PRKCE: variants seen among roughly 807,000 people sequenced by gnomAD.
PRKCE encodes protein kinase C epsilon.
A neutral mutation model predicts 85.4 loss-of-function variants in PRKCE; 16 were observed. The observed-to-expected ratio is 0.19, with a 90% CI of 0.13 to 0.28. PRKCE has a LOEUF of 0.28. Among genes scored for constraint, PRKCE ranks in the 10% least tolerant of loss-of-function variants. The pLI is 1.00. For synonymous variants in PRKCE, 388 were observed against 371.5 expected, an observed-to-expected ratio of 1.04 and a Z score of -0.51; for missense variants, 573 against 975.2, an observed-to-expected ratio of 0.59 and a Z score of 5.49.
intron 2 of PRKCE, among the ~76,000 whole-genome samples, chr2:45,902,191 G>A (rs1440517910): frequency 6.6e-6 from 1 of 152,174 alleles, no homozygotes; most frequent in Non-Finnish European, 1.5e-5. Flanking sequence ...GGCCCAGAAG[G>A]CGACTTTGGG....
chr2:45,806,403 AGTTT>A (rs1395378144), intron 1 of PRKCE, among the ~76,000 whole-genome samples: 2 of 152,294 alleles, frequency 1.3e-5, no homozygotes, highest in South Asian at 2.1e-4. Flanking sequence ...TTGTTTAATT[AGTTT>A]GTTTATTTTA....
At chr2:45,805,362 G>A (rs1035858207) in intron 1 of PRKCE, among the ~76,000 whole-genome samples, 7 of 152,148 alleles carry the variant, frequency 4.6e-5, no homozygotes, top group Non-Finnish European at 7.3e-5. Context: ...CACAATTATA[G>A]ATGAGTCCTG....
chr2:46,017,285 C>T (rs1012493518), intron 10 of PRKCE, among the ~76,000 whole-genome samples: 1 of 152,156 alleles, frequency 6.6e-6, no homozygotes, highest in Non-Finnish European at 1.5e-5. Context: ...CTCTAGGTAC[C>T]TCTTATAAGT....
intron 2 of PRKCE, among the ~76,000 whole-genome samples, chr2:45,970,224 T>C (rs964618203): frequency 6.6e-6 from 1 of 152,206 alleles, no homozygotes; most frequent in Non-Finnish European, 1.5e-5. Context: ...GGATAATAAT[T>C]TTAAAACAAA....
chr2:45,863,350 A>T (rs920346015), intron 2 of PRKCE, among the ~76,000 whole-genome samples: 1 of 152,092 alleles, frequency 6.6e-6, no homozygotes, highest in Non-Finnish European at 1.5e-5. Context: ...AAGGGCTTAA[A>T]ATTTAGTCTT....
At chr2:45,843,134 C>CT in intron 2 of PRKCE, 71 bp downstream of exon 2, 2 of 1,361,378 alleles carry the variant, frequency 1.5e-6, no homozygotes, top group South Asian at 1.2e-5. Flanking sequence ...CTTCTTTCCC[C>CT]CCCTTGGCCG....
intron 2 of PRKCE, among the ~76,000 whole-genome samples, chr2:45,908,594 C>T (rs578092505): frequency 3.9e-5 from 6 of 152,282 alleles, no homozygotes; most frequent in Admixed American, 1.3e-4. Context: ...TGGACCTCAT[C>T]TGAGGGGCAA....
chr2:46,010,346 C>T lies in PRKCE; in HGVS notation c.1266C>T (p.Val422=). ...TGGAGGCAATTGATTGATTGCAGGTCATGTTGGCAGAACTCAAGGGCAAAG... is the reference window on the plus strand; with the variant it reads ...TGGAGGCAATTGATTGATTGCAGGTTATGTTGGCAGAACTCAAGGGCAAAG... ...KVLGKGSFGK[V]MLAELKGKDE... The change falls in exon 10 of 15, where the codon GTC becomes GTT. Residue 422 remains valine (V), a splice_region_variant and synonymous_variant. Transcript: ENST00000306156. 1 of 1,590,820 alleles carries T rather than the reference C, an allele frequency of 6.3e-7. No individual in the cohort carries two copies. The highest frequency in any genetic ancestry group is 8.5e-7 in the Non-Finnish European group (1 of 1,173,450).
chr2:45,775,625 A>G (rs1226381531), intron 1 of PRKCE, among the ~76,000 whole-genome samples: 1 of 152,186 alleles, frequency 6.6e-6, no homozygotes, highest in Non-Finnish European at 1.5e-5. Context: ...CTTCATTTCC[A>G]CTACCCTGGT....
At chr2:46,031,347 A>T (rs1371418854) in intron 10 of PRKCE, among the ~76,000 whole-genome samples, 2 of 152,110 alleles carry the variant, frequency 1.3e-5, no homozygotes, top group Non-Finnish European at 2.9e-5. Flanking sequence ...TCTGCCTGAG[A>T]TGCCCCAGCC....
chr2:46,102,040 C>T (rs1671289812), intron 11 of PRKCE, among the ~76,000 whole-genome samples: 1 of 138,872 alleles, frequency 7.2e-6, no homozygotes, highest in Non-Finnish European at 1.6e-5. Context: ...CTACAGGTCC[C>T]GGCGGGAAAG....
chr2:45,843,011 G>A lies in PRKCE; in HGVS notation c.360G>A (p.Glu120=). Residue 120 remains glutamate, a synonymous_variant, in exon 2 of 15, where the codon GAG becomes GAA. Transcript: ENST00000306156. ...SRHFEDWIDL[E]PEGRVYVIID... ...TTTCTTAATTGCAGATTGATCTGGA[G>A]CCAGAAGGAAGAGTGTATGTGATCA... 1 of 1,614,158 alleles carries A rather than the reference G, an allele frequency of 6.2e-7. No homozygotes were observed.
chr2:46,027,407 G>A (rs982631750), intron 10 of PRKCE, among the ~76,000 whole-genome samples: 2 of 152,174 alleles, frequency 1.3e-5, no homozygotes, highest in African/African-American at 4.8e-5. Flanking sequence ...ACTGAATGAG[G>A]ATGGGGAGAG....
At chr2:45,898,785 G>A (rs879286453) in intron 2 of PRKCE, among the ~76,000 whole-genome samples, 10 of 152,316 alleles carry the variant, frequency 6.6e-5, no homozygotes, top group Middle Eastern at 3.4e-3. Context: ...TGGCTCTGAG[G>A]AGGGAGTGGA....
intron 2 of PRKCE, among the ~76,000 whole-genome samples, chr2:45,934,204 A>C (rs1441654654): frequency 6.6e-6 from 1 of 152,216 alleles, no homozygotes; most frequent in Non-Finnish European, 1.5e-5. Context: ...CCCCACCAGT[A>C]GTTGTGTGTT....
At chr2:45,667,634 A>G (rs1483550458) in intron 1 of PRKCE, among the ~76,000 whole-genome samples, 2 of 151,974 alleles carry the variant, frequency 1.3e-5, no homozygotes, top group Non-Finnish European at 2.9e-5. Flanking sequence ...CATGAGGAGG[A>G]TTTTTATCTT....
chr2:45,974,123 G>C (rs575166147), intron 2 of PRKCE, among the ~76,000 whole-genome samples: 7 of 152,278 alleles, frequency 4.6e-5, no homozygotes, highest in Non-Finnish European at 7.3e-5. Context: ...AATAGATTTG[G>C]TTTTTGGTTG....
In PRKCE at chr2:45,905,849, A is replaced by G. The variant is rs1696931620; in HGVS notation, c.412+62786A>G. Among the ~76,000 whole-genome samples the G allele has an allele frequency of 1.3e-5, 2 of 152,262 alleles. No individual in the cohort carries two copies. The highest frequency in any genetic ancestry group is 4.1e-4 in the South Asian group (2 of 4,832). The stretch of plus-strand genomic sequence containing the variant: ...ACAAATTGGGTGAGATGTGGCTCCC[A>G]CAGTGGGAATAATTTCCTTGAAGGT... On this transcript the variant is annotated intron_variant, in intron 2 of 14. Transcript: ENST00000306156. This position sits in a 1 kb window ranked among gnomAD's most constrained non-coding sequence, Gnocchi z 4.4.
chr2:45,773,628 T>C (rs966284177), intron 1 of PRKCE, among the ~76,000 whole-genome samples: 1 of 152,202 alleles, frequency 6.6e-6, no homozygotes, highest in African/African-American at 2.4e-5. Flanking sequence ...GGGACTTGAA[T>C]TGACTGTTTG....
Sources: allele counts gnomAD v4.1 joint callset (sites outside exome capture counted in the v4.1 genomes callset), GRCh38; gene constraint gnomAD v4.1.1; non-coding constraint Gnocchi (gnomAD v3.1); transcripts MANE v1.5; gene names NCBI Gene and HGNC (gene_info 2026-07-23, HGNC 2026-07-21).